The following HMCN1 variants were observed in gnomAD, a reference collection of about 807,000 sequenced individuals.
The protein encoded by HMCN1 is hemicentin-1.
HMCN1 carries 321 observed loss-of-function variants against 625.9 expected under a neutral mutation model. The ratio of observed to expected loss-of-function variants is 0.51; its 90% CI spans 0.47 to 0.56. The LOEUF (loss-of-function observed/expected upper bound fraction) is 0.56. HMCN1 is among the 20% of genes least tolerant of loss of function. HMCN1 has a pLI of 0.00. For missense variants in HMCN1, 6,588 were observed against 6,887.3 expected, an observed-to-expected ratio of 0.96 and a Z score of 1.54; for synonymous variants, 2,425 against 2,417.6, an observed-to-expected ratio of 1.00 and a Z score of -0.09.
rs143122724 is a variant in HMCN1 at position 186,069,082 on chromosome 1, C to T, written c.7880-581C>T. Among the ~76,000 whole-genome samples, 807 of 152,126 alleles carry T rather than the reference C, an allele frequency of 5.3e-3. 9 individuals carry two copies. The highest frequency in any genetic ancestry group is 0.019 in the African/African-American group (786 of 41,474). On this transcript the variant is annotated intron_variant, in intron 50 of 106. Transcript: ENST00000271588. ...ATAAAGTGAGAATGGCCTAGCCCTG[C>T]GCAATAGAATTCTCACCCACTACCC...
At chr1:185,884,875 A>G (rs6690968) in intron 4 of HMCN1, among the ~76,000 whole-genome samples, 9,680 of 152,112 alleles carry the variant, frequency 0.064, 1,082 homozygotes, top group African/African-American at 0.22. Context: ...AATGGCATTG[A>G]TCGTATCAAA....
Position 186,182,374 on chromosome 1 carries a change from C to T in HMCN1, c.16414+87C>T, listed in dbSNP as rs1238287123. The stretch of plus-strand genomic sequence containing the variant: ...GAAGTTTTTTTTCAATAATCATTCT[C>T]CTAGTGGCTTCCCCTTCTTACCCAT... On this transcript the variant is annotated intron_variant, in intron 105 of 106. Coordinates refer to ENST00000271588, the MANE Select transcript of HMCN1 (RefSeq NM_031935.3). The T allele has an allele frequency of 4.7e-6, 7 of 1,479,892 alleles. No individual in the cohort carries two copies. The African/African-American group carries it at 5.6e-5, about 12-fold the overall frequency. The allele number at this position is 1,479,892 out of a possible 1,614,324, so 91.7% of individuals were successfully genotyped here.
At chr1:186,032,373 C>T (rs897551788) in intron 36 of HMCN1, among the ~76,000 whole-genome samples, 1 of 152,116 alleles carries the variant, frequency 6.6e-6, no homozygotes, top group Non-Finnish European at 1.5e-5. Flanking sequence ...CCACCTTACT[C>T]CTGCAAGAGT....
intron 63 of HMCN1, among the ~76,000 whole-genome samples, chr1:186,089,060 T>G (rs368459541): frequency 8.6e-5 from 13 of 151,996 alleles, no homozygotes; most frequent in African/African-American, 2.4e-4. Context: ...TAAACTGGTA[T>G]AATTCATTTT....
At chr1:186,060,201 C>T (rs544444920) in intron 46 of HMCN1, among the ~76,000 whole-genome samples, 1 of 152,108 alleles carries the variant, frequency 6.6e-6, no homozygotes, top group South Asian at 2.1e-4. Context: ...AGAAAAAGTT[C>T]AATGTCAGCT....
intron 1 of HMCN1, among the ~76,000 whole-genome samples, chr1:185,818,911 C>T (rs1300175633): frequency 1.0e-4 from 15 of 143,780 alleles, no homozygotes; most frequent in Middle Eastern, 3.7e-3. Flanking sequence ...GCAATTTTAC[C>T]TTTTTTTTTT....
At chr1:186,147,996 A>T (rs1650427988) in intron 93 of HMCN1, among the ~76,000 whole-genome samples, 1 of 152,208 alleles carries the variant, frequency 6.6e-6, no homozygotes. Context: ...TGTAGTGGAC[A>T]ATGCTGTTAA....
intron 11 of HMCN1, among the ~76,000 whole-genome samples, chr1:185,950,144 G>A (rs554549876): frequency 3.3e-5 from 5 of 151,642 alleles, no homozygotes; most frequent in Non-Finnish European, 5.9e-5. Flanking sequence ...TGGGGGTCAG[G>A]TGTGGTATCG....
intron 6 of HMCN1, among the ~76,000 whole-genome samples, chr1:185,919,731 G>A (rs1334743876): frequency 1.3e-5 from 2 of 152,180 alleles, no homozygotes; most frequent in Admixed American, 6.5e-5. Context: ...GAGCTTCACC[G>A]AGTTCAGACT....
At chr1:186,022,401 A>G (rs74615124) in intron 35 of HMCN1, among the ~76,000 whole-genome samples, 2,834 of 152,218 alleles carry the variant, frequency 0.019, 85 homozygotes, top group African/African-American at 0.06. Flanking sequence ...AACCACACCA[A>G]ATGCTATAGA....
rs183574002 is a variant in HMCN1 at position 186,086,190 on chromosome 1, A to G, written c.8885-56A>G. 169 of 1,467,790 alleles carry G rather than the reference A, an allele frequency of 1.2e-4. 1 individual carries two copies. In the East Asian group the frequency reaches 2.6e-3, roughly 22 times the overall value. 90.9% of individuals were successfully genotyped at this position (1,467,790 alleles called of 1,614,324 possible). A position where few individuals can be genotyped will look rare whatever the true frequency, so the allele number is the denominator to read the frequency against. ...CAGTGGTTGGATTTATATTTAGTAA[A>G]TGGGAATATATGTTGATAACACCTG... On this transcript the variant is annotated intron_variant, in intron 57 of 106. Coordinates refer to ENST00000271588, the MANE Select transcript of HMCN1 (RefSeq NM_031935.3).
intron 11 of HMCN1, among the ~76,000 whole-genome samples, chr1:185,955,320 C>T (rs1649542643): frequency 6.6e-6 from 1 of 152,132 alleles, no homozygotes; most frequent in South Asian, 2.1e-4. Flanking sequence ...AAACTAACTC[C>T]TACACAATTC....
At chr1:186,174,782 C>A in intron 103 of HMCN1, 140 bp downstream of exon 103, 1 of 771,930 alleles carries the variant, frequency 1.3e-6, no homozygotes, top group South Asian at 1.6e-5. Context: ...TTACGTCATT[C>A]AACACAATTT....
Position 186,046,233 on chromosome 1 carries a change from C to T in HMCN1, c.6480+370C>T, listed in dbSNP as rs12082222. ...CCTGTGATCCCAAAATTTTGGGAGG[C>T]CAAGGTGGGCGGACCACTTGAGGTC... On this transcript the variant is annotated intron_variant, in intron 41 of 106. Coordinates refer to ENST00000271588, the MANE Select transcript of HMCN1 (RefSeq NM_031935.3). 7.6e-3 allele frequency among the ~76,000 whole-genome samples: 1,154 copies of T among 152,212 alleles called. 15 individuals are homozygous for T. The highest frequency in any genetic ancestry group is 0.026 in the African/African-American group (1,077 of 41,544).
At chr1:186,086,220 C>A (rs764825526) in intron 57 of HMCN1, 26 bp from the exon 58 acceptor site, 100 of 1,589,736 alleles carry the variant, frequency 6.3e-5, no homozygotes, top group Non-Finnish European at 7.8e-6. Context: ...CACCTGCTTT[C>A]ACTTTTAATA....
Position 185,944,146 on chromosome 1 carries a change from A to G in HMCN1, c.1828+10322A>G, listed in dbSNP as rs74701783. Among the ~76,000 whole-genome samples the G allele has an allele frequency of 7.2e-3, 1,096 of 151,924 alleles. 5 individuals are homozygous for G. The highest frequency in any genetic ancestry group is 0.01 in the Non-Finnish European group (696 of 68,024). ...CTATTAACAGCTCTAAAGAACAGGTAGATAAAGGAAAGTGGGAAAAAAAAA... is the reference window on the plus strand; with the variant it reads ...CTATTAACAGCTCTAAAGAACAGGTGGATAAAGGAAAGTGGGAAAAAAAAA... On this transcript the variant is annotated intron_variant, in intron 11 of 106. Transcript: ENST00000271588.
chr1:186,153,969 C>T lies in HMCN1; in HGVS notation c.15238C>T (p.His5080Tyr). 2 of 1,612,266 alleles carry T rather than the reference C, an allele frequency of 1.2e-6. No homozygotes were observed. The highest frequency in any genetic ancestry group is 1.7e-6 in the Non-Finnish European group (2 of 1,178,336). ...QIEETLGFKIHASISKGDRSN... is the reference protein window; with the variant it reads ...QIEETLGFKIYASISKGDRSN... ...AGAAGAGACACTGGGTTTTAAAATT[C>T]ATGCTTCAATATCCAAAGGTAATTT... Residue 5080 changes from histidine (H) to tyrosine (Y), a missense_variant, in exon 97 of 107, where the codon CAT becomes TAT. This residue lies in a region of HMCN1 where 1,954 missense variants were observed against 2,013.1 expected (regional missense o/e 0.97). Coordinates refer to ENST00000271588, the MANE Select transcript of HMCN1 (RefSeq NM_031935.3).
At chr1:185,863,141 GC>G (rs1180866186) in intron 2 of HMCN1, among the ~76,000 whole-genome samples, 3 of 152,150 alleles carry the variant, frequency 2.0e-5, no homozygotes, top group Non-Finnish European at 4.4e-5. Flanking sequence ...TAATGATAAA[GC>G]CTTACTCCTT....
intron 51 of HMCN1, 21 bp downstream of exon 51, chr1:186,069,797 A>G (rs750578975): frequency 2.1e-5 from 31 of 1,506,328 alleles, no homozygotes; most frequent in East Asian, 1.8e-4. Context: ...AAAGAATACT[A>G]TGTTTCATAG....
Sources: gnomAD v4.1 joint callset for allele counts (sites outside exome capture counted in the v4.1 genomes callset) on GRCh38, gnomAD v4.1.1 for gene constraint, gnomAD v4.1.1 regional missense constraint, MANE v1.5 for transcripts, NCBI Gene and HGNC (gene_info 2026-07-23, HGNC 2026-07-21) for gene names.